CDH12: variants seen among roughly 807,000 people sequenced by gnomAD.
CDH12 encodes cadherin 12, also known as cadherin-12.
Under a neutral mutation model 74.1 loss-of-function variants are expected in CDH12, and 41 were observed. The ratio of observed to expected loss-of-function variants is 0.55; its 90% CI spans 0.43 to 0.72. CDH12 has a LOEUF of 0.72. Ranked by LOEUF, CDH12 falls within the 30% of genes least tolerant of loss-of-function variation. The pLI is 0.00. For synonymous variants in CDH12, 399 were observed against 355.0 expected, an observed-to-expected ratio of 1.12 and a Z score of -1.39; for missense variants, 945 against 977.2, an observed-to-expected ratio of 0.97 and a Z score of 0.44.
intron 3 of CDH12, among the ~76,000 whole-genome samples, chr5:22,308,331 C>T (rs1245437186): frequency 3.3e-5 from 5 of 152,060 alleles, no homozygotes; most frequent in Admixed American, 3.3e-4. Flanking sequence ...GGATCACAGA[C>T]ATTTCCCTAA....
chr5:22,485,425 A>C (rs1746549012), intron 2 of CDH12, among the ~76,000 whole-genome samples: 1 of 152,206 alleles, frequency 6.6e-6, no homozygotes, highest in South Asian at 2.1e-4. Flanking sequence ...TCCTGGCTTC[A>C]AGCAAGACTC....
chr5:22,235,879 T>A (rs1159993947), intron 3 of CDH12, among the ~76,000 whole-genome samples: 4 of 152,180 alleles, frequency 2.6e-5, no homozygotes. Context: ...CACAGAAACC[T>A]AGACGGTGTA....
At chr5:21,863,425 T>G (rs779613618) in intron 6 of CDH12, among the ~76,000 whole-genome samples, 1 of 152,198 alleles carries the variant, frequency 6.6e-6, no homozygotes, top group Non-Finnish European at 1.5e-5. Context: ...TCAGTACATG[T>G]TTTTTCTTAC....
chr5:22,505,870 G>T (rs1458448549), intron 1 of CDH12, among the ~76,000 whole-genome samples: 1 of 152,064 alleles, frequency 6.6e-6, no homozygotes, highest in African/African-American at 2.4e-5. Flanking sequence ...TGGGGTTATG[G>T]TTTTTTGGGA....
At chr5:21,833,307 G>GTTATATAACATATAATATATATTATATT (rs1561225754) in intron 8 of CDH12, among the ~76,000 whole-genome samples, 1 of 26,466 alleles carries the variant, frequency 3.8e-5, no homozygotes, top group Non-Finnish European at 4.8e-5. Context: ...TATATTATAT[G>GTTATATAACATATAATATATATTATATT]TTATATGTTA....
intron 2 of CDH12, among the ~76,000 whole-genome samples, chr5:22,466,770 A>G (rs1413312579): frequency 1.5e-5 from 2 of 135,006 alleles, no homozygotes; most frequent in South Asian, 2.4e-4. Flanking sequence ...ATGGCTCCTC[A>G]GGAATCTTTT....
intron 1 of CDH12, among the ~76,000 whole-genome samples, chr5:22,694,038 C>T (rs1055699069): frequency 1.3e-5 from 2 of 152,072 alleles, no homozygotes; most frequent in Admixed American, 6.6e-5. Flanking sequence ...CTACAGGGCT[C>T]AAGCTATCTT....
chr5:22,277,422 T>A (rs1271198578), intron 3 of CDH12, among the ~76,000 whole-genome samples: 2 of 152,098 alleles, frequency 1.3e-5, no homozygotes, highest in Non-Finnish European at 2.9e-5. Context: ...CTGAACATGA[T>A]CTGAGAAGGT....
intron 6 of CDH12, among the ~76,000 whole-genome samples, chr5:21,867,460 A>G (rs1210234707): frequency 6.6e-6 from 1 of 152,098 alleles, no homozygotes; most frequent in Non-Finnish European, 1.5e-5. Context: ...GCTGCCAAAC[A>G]CCAGGGCGGG....
chr5:22,735,304 T>C (rs1350522502), intron 1 of CDH12, among the ~76,000 whole-genome samples: 1 of 151,912 alleles, frequency 6.6e-6, no homozygotes, highest in Non-Finnish European at 1.5e-5. Flanking sequence ...TGAGTTTTTA[T>C]GAGAAACTAG....
chr5:22,103,430 T>C (rs1744261044), intron 4 of CDH12, among the ~76,000 whole-genome samples: 1 of 152,190 alleles, frequency 6.6e-6, no homozygotes, highest in African/African-American at 2.4e-5. Flanking sequence ...TCATCAACAC[T>C]GATTTTCTCA....
At chr5:22,521,854 C>T (rs1024714730) in intron 1 of CDH12, among the ~76,000 whole-genome samples, 7 of 152,110 alleles carry the variant, frequency 4.6e-5, no homozygotes, top group African/African-American at 7.2e-5. Context: ...TAAGTTAAAG[C>T]GAAGTGGATA....
chr5:22,122,839 A>T (rs1311594218), intron 4 of CDH12, among the ~76,000 whole-genome samples: 1 of 152,070 alleles, frequency 6.6e-6, no homozygotes. Flanking sequence ...CTGCCTTTGG[A>T]CTCTAACTGA....
Position 21,823,705 on chromosome 5 carries a change from A to G in CDH12, c.815-6573T>C, listed in dbSNP as rs114289729. Among the ~76,000 whole-genome samples the G allele has an allele frequency of 6.7e-3, 1,016 of 151,852 alleles. 14 individuals are homozygous for G. Among genetic ancestry groups the G allele is most frequent in the African/African-American group, 0.023 (949 of 41,414 alleles). ...ACTGTCCTTAAATATCTGCTTAAGT[A>G]CTCCCTTTACTACTTCCTTTCTCAG... is the stretch of plus-strand genomic sequence containing the variant. On this transcript the variant is annotated intron_variant, in intron 8 of 14. Coordinates refer to ENST00000382254, the MANE Select transcript of CDH12 (RefSeq NM_004061.5).
intron 3 of CDH12, among the ~76,000 whole-genome samples, chr5:22,279,536 C>T (rs531447651): frequency 5.3e-5 from 8 of 152,166 alleles, no homozygotes; most frequent in Admixed American, 2.6e-4. Context: ...CTCCCCCCAC[C>T]GCACAACAGG....
intron 1 of CDH12, among the ~76,000 whole-genome samples, chr5:22,584,106 A>T (rs930463713): frequency 4.1e-4 from 62 of 149,628 alleles, no homozygotes; most frequent in African/African-American, 1.4e-3. Flanking sequence ...TTATTTATTT[A>T]TTTATTATTT....
At position 22,634,421 on chromosome 5, in the gene CDH12, G is replaced by A. The variant is rs1385146308; in HGVS notation, c.-522-129057C>T. On this transcript the variant is annotated intron_variant, in intron 1 of 14. Coordinates refer to ENST00000382254, the MANE Select transcript of CDH12 (RefSeq NM_004061.5). ...AGTACCAGGTCAACAATAACCAAAA[G>A]AGCAAAAGAGTAATAGTGGTTATAC... Among the ~76,000 whole-genome samples, 3 of 152,148 alleles carry A rather than the reference G, an allele frequency of 2.0e-5. No homozygotes were observed. In the East Asian group the frequency reaches 5.8e-4, roughly 29 times the overall value.
intron 4 of CDH12, among the ~76,000 whole-genome samples, chr5:22,118,181 C>A (rs1019486373): frequency 6.6e-6 from 1 of 152,078 alleles, no homozygotes; most frequent in Non-Finnish European, 1.5e-5. Context: ...CAACAAAATG[C>A]GTGATTTTTA....
At chr5:22,739,378 T>C (rs1744905117) in intron 1 of CDH12, among the ~76,000 whole-genome samples, 1 of 151,986 alleles carries the variant, frequency 6.6e-6, no homozygotes, top group Admixed American at 6.6e-5. Flanking sequence ...AAAATATATG[T>C]CAATGAATGT....
Sources: gnomAD v4.1 joint callset for allele counts (sites outside exome capture counted in the v4.1 genomes callset) on GRCh38, gnomAD v4.1.1 for gene constraint, MANE v1.5 for transcripts, NCBI Gene and HGNC (gene_info 2026-07-23, HGNC 2026-07-21) for gene names.